The following TRIO variants were observed in gnomAD, a reference collection of about 807,000 sequenced individuals.
TRIO encodes trio Rho guanine nucleotide exchange factor.
Under a neutral mutation model 351.9 loss-of-function variants are expected in TRIO, and 58 were observed. That is an observed-to-expected ratio of 0.16 (90% confidence interval 0.13 to 0.21). The LOEUF is 0.21. Among genes scored for constraint, TRIO ranks in the 10% least tolerant of loss-of-function variants. The pLI is 1.00. For synonymous variants in TRIO, 1,758 were observed against 1,595.7 expected, an observed-to-expected ratio of 1.10 and a Z score of -2.42; for missense variants, 3,201 against 4,027.8, an observed-to-expected ratio of 0.79 and a Z score of 5.56.
At chr5:14,200,037 T>C (rs1791007348) in intron 1 of TRIO, among the ~76,000 whole-genome samples, 1 of 152,302 alleles carries the variant, frequency 6.6e-6, no homozygotes, top group East Asian at 1.9e-4. Context: ...ACTAGGGTTG[T>C]GAGATCTTAG....
intron 11 of TRIO, among the ~76,000 whole-genome samples, chr5:14,345,310 A>G (rs1165619338): frequency 1.3e-5 from 2 of 152,220 alleles, no homozygotes; most frequent in Non-Finnish European, 2.9e-5. Flanking sequence ...AATTAACAAT[A>G]TATTATCTTC....
intron 34 of TRIO, among the ~76,000 whole-genome samples, chr5:14,421,741 G>A (rs60241562): frequency 3.9e-5 from 6 of 152,160 alleles, no homozygotes; most frequent in African/African-American, 1.2e-4. Flanking sequence ...TAGGGCGTGG[G>A]TGAGGTCCTG....
At chr5:14,203,390 C>T (rs1561197438) in intron 1 of TRIO, among the ~76,000 whole-genome samples, 1 of 152,190 alleles carries the variant, frequency 6.6e-6, no homozygotes, top group East Asian at 1.9e-4. Flanking sequence ...GCAAGGACTA[C>T]AAAAGCCTTA....
chr5:14,465,735 C>A, intron 37 of TRIO, 95 bp downstream of exon 37: 1 of 1,365,702 alleles, frequency 7.3e-7, no homozygotes, highest in Non-Finnish European at 1.0e-6. Context: ...CTCTGGGCTG[C>A]AGAATGTGGC....
intron 34 of TRIO, among the ~76,000 whole-genome samples, chr5:14,449,835 C>A (rs746362709): frequency 1.1e-4 from 16 of 152,176 alleles, no homozygotes; most frequent in Non-Finnish European, 1.5e-4. Flanking sequence ...ATCTGATTAA[C>A]CAAGCAAAGG....
intron 1 of TRIO, among the ~76,000 whole-genome samples, chr5:14,153,111 C>A (rs142682157): frequency 4.6e-5 from 7 of 152,110 alleles, no homozygotes; most frequent in African/African-American, 1.7e-4. Context: ...TGGAAGCCTT[C>A]GAAAGGCATG....
intron 37 of TRIO, among the ~76,000 whole-genome samples, chr5:14,468,621 C>T (rs1186674090): frequency 6.6e-6 from 1 of 152,242 alleles, no homozygotes; most frequent in Non-Finnish European, 1.5e-5. Context: ...TAGTTTTTGT[C>T]AGAAAACACT....
chr5:14,250,442 T>G (rs563650436), intron 1 of TRIO, among the ~76,000 whole-genome samples: 2 of 152,346 alleles, frequency 1.3e-5, no homozygotes, highest in Admixed American at 6.5e-5. Flanking sequence ...GTGGGAGCTT[T>G]TATGCAGAAA....
At chr5:14,146,509 T>C (rs930598560) in intron 1 of TRIO, among the ~76,000 whole-genome samples, 1 of 152,220 alleles carries the variant, frequency 6.6e-6, no homozygotes, top group Admixed American at 6.5e-5. Flanking sequence ...TAGCCACAGA[T>C]TGAAAACTAA....
chr5:14,262,076 C>G (rs938187081), intron 1 of TRIO, among the ~76,000 whole-genome samples: 12 of 152,200 alleles, frequency 7.9e-5, no homozygotes, highest in African/African-American at 2.7e-4. Flanking sequence ...GTTTAACTAG[C>G]TGGGTGTTAA....
intron 1 of TRIO, among the ~76,000 whole-genome samples, chr5:14,224,256 CTGTTTAAGTAGAA>C (rs1300657378): frequency 1.3e-5 from 2 of 152,000 alleles, no homozygotes; most frequent in Non-Finnish European, 2.9e-5. Flanking sequence ...CTTATACATA[CTGTTTAAGTAGAA>C]ATTCCTGCAT....
chr5:14,505,095 A>T (rs1479065836), intron 55 of TRIO, among the ~76,000 whole-genome samples: 2 of 152,258 alleles, frequency 1.3e-5, no homozygotes, highest in Non-Finnish European at 2.9e-5. Flanking sequence ...GGGCACACCA[A>T]CCAGAGCTGC....
chr5:14,203,873 A>C (rs371553760), intron 1 of TRIO, among the ~76,000 whole-genome samples: 2 of 152,328 alleles, frequency 1.3e-5, no homozygotes, highest in East Asian at 1.9e-4. Flanking sequence ...TAGCGTGTAA[A>C]ATTGAAGAAG....
chr5:14,348,475 T>TTG (rs1171210423), intron 11 of TRIO, among the ~76,000 whole-genome samples: 2 of 152,404 alleles, frequency 1.3e-5, no homozygotes, highest in African/African-American at 4.8e-5. Context: ...ATTTTCCTGC[T>TTG]TGTGTGTGCG....
chr5:14,409,692 A>G (rs1749029325), intron 33 of TRIO, among the ~76,000 whole-genome samples: 4 of 151,976 alleles, frequency 2.6e-5, no homozygotes, highest in Middle Eastern at 3.4e-3. Flanking sequence ...AAATTAGTCG[A>G]GCGTGGTGGT....
chr5:14,363,183 A>G (rs1479459092), intron 13 of TRIO, among the ~76,000 whole-genome samples: 2 of 151,948 alleles, frequency 1.3e-5, no homozygotes, highest in Non-Finnish European at 2.9e-5. Context: ...ATTTTTTGGT[A>G]GAGATGGGGT....
chr5:14,387,940 A>G (rs2152361961), intron 23 of TRIO, 93 bp downstream of exon 23: 2 of 1,355,646 alleles, frequency 1.5e-6, no homozygotes, highest in Non-Finnish European at 2.1e-6. Context: ...CTTTGAAGTC[A>G]CATGGCACCC....
intron 49 of TRIO, among the ~76,000 whole-genome samples, chr5:14,494,602 A>C (rs543343410): frequency 1.3e-5 from 2 of 152,350 alleles, no homozygotes; most frequent in African/African-American, 4.8e-5. Flanking sequence ...AGTCTTATTT[A>C]AGAAATACAT....
chr5:14,369,450 G>C lies in TRIO; in HGVS notation c.3143G>C (p.Gly1048Ala), dbSNP rs758059464. ...EDWCGGADKLGPNSETDHVTP... is the reference protein window; with the variant it reads ...EDWCGGADKLAPNSETDHVTP... The stretch of plus-strand genomic sequence containing the variant: ...TGGTGTGGCGGGGCGGATAAGCTGG[G>C]CCCAAACTCTGAGACGGACCACGTG... Residue 1048 changes from glycine to alanine, a missense_variant, in exon 18 of 57, where the codon GGC becomes GCC. Gly to Ala is a moderately conservative substitution (Grantham distance 60). Transcript: ENST00000344204. 1 of 1,614,152 alleles carries C rather than the reference G, an allele frequency of 6.2e-7. No homozygotes were observed. Among genetic ancestry groups the C allele is most frequent in the South Asian group, 1.1e-5 (1 of 91,082 alleles).
Sources: gnomAD v4.1 joint callset for allele counts (sites outside exome capture counted in the v4.1 genomes callset) on GRCh38, gnomAD v4.1.1 for gene constraint, MANE v1.5 for transcripts, NCBI Gene and HGNC (gene_info 2026-07-23, HGNC 2026-07-21) for gene names.